PPP1R9A: variants seen among roughly 807,000 people sequenced by gnomAD.
PPP1R9A encodes the protein neurabin-1.
In PPP1R9A, 59 loss-of-function variants were observed where a neutral mutation model predicts 141.9. The observed-to-expected ratio is 0.42, with a 90% CI of 0.34 to 0.52. The LOEUF (loss-of-function observed/expected upper bound fraction) is 0.52, where lower values mean the gene tolerates loss of function less well. Ranked by LOEUF, PPP1R9A falls within the 20% of genes least tolerant of loss-of-function variation. PPP1R9A has a pLI of 0.10. For missense variants in PPP1R9A, 1,444 were observed against 1,611.9 expected (o/e 0.90, Z 1.78); for synonymous variants, 500 against 569.7 (o/e 0.88, Z 1.74).
At chr7:94,972,265 C>G (rs1484625220) in intron 2 of PPP1R9A, among the ~76,000 whole-genome samples, 1 of 152,058 alleles carries the variant, frequency 6.6e-6, no homozygotes, top group African/African-American at 2.4e-5. Context: ...AGTTTTAGTT[C>G]TAGTTATGTA....
intron 2 of PPP1R9A, among the ~76,000 whole-genome samples, chr7:94,961,266 T>A (rs937926807): frequency 1.3e-4 from 20 of 151,716 alleles, no homozygotes; most frequent in African/African-American, 4.6e-4. Context: ...GGGTGGTTTA[T>A]TTTTTCAGAT....
intron 2 of PPP1R9A, among the ~76,000 whole-genome samples, chr7:95,094,387 C>A (rs1394811707): frequency 6.6e-6 from 1 of 152,154 alleles, no homozygotes; most frequent in African/African-American, 2.4e-5. Flanking sequence ...TAAAATCATT[C>A]GTAAATTCAT....
intron 4 of PPP1R9A, among the ~76,000 whole-genome samples, chr7:95,131,458 G>A (rs756783880): frequency 3.3e-5 from 5 of 152,108 alleles, no homozygotes; most frequent in African/African-American, 4.8e-5. Context: ...CATTATTTCT[G>A]GGTTCTCTAT....
intron 4 of PPP1R9A, among the ~76,000 whole-genome samples, chr7:95,131,217 C>T (rs914568347): frequency 2.6e-5 from 4 of 151,972 alleles, no homozygotes; most frequent in African/African-American, 9.7e-5. Context: ...GTGCTGTTGT[C>T]GTGACAGTGA....
intron 2 of PPP1R9A, among the ~76,000 whole-genome samples, chr7:95,098,015 G>T (rs10214977): frequency 0.47 from 71,512 of 152,096 alleles, 17,450 homozygotes; most frequent in African/African-American, 0.53. Flanking sequence ...TTCTTTTATC[G>T]TCAGGAAACT....
At chr7:94,957,693 A>C (rs1376062586) in intron 2 of PPP1R9A, among the ~76,000 whole-genome samples, 1 of 152,050 alleles carries the variant, frequency 6.6e-6, no homozygotes, top group African/African-American at 2.4e-5. Context: ...TGTTGATTTC[A>C]TGGAGATATA....
chr7:95,190,436 T>G (rs544654123), intron 5 of PPP1R9A, among the ~76,000 whole-genome samples: 1 of 152,280 alleles, frequency 6.6e-6, no homozygotes, highest in South Asian at 2.1e-4. Context: ...GGCAGGGCTG[T>G]GAAATAGACT....
intron 2 of PPP1R9A, among the ~76,000 whole-genome samples, chr7:94,921,660 T>G (rs1261137658): frequency 1.3e-5 from 2 of 152,040 alleles, no homozygotes; most frequent in African/African-American, 2.4e-5. Flanking sequence ...CAAAACTTAT[T>G]GTAGGATGTT....
At chr7:95,202,992 T>A (rs1789909792) in intron 6 of PPP1R9A, among the ~76,000 whole-genome samples, 1 of 152,112 alleles carries the variant, frequency 6.6e-6, no homozygotes, top group Non-Finnish European at 1.5e-5. Context: ...GTCTTAGCTA[T>A]AGATAGCATT....
At chr7:95,107,434 C>G (rs984932415) in intron 2 of PPP1R9A, among the ~76,000 whole-genome samples, 4 of 152,012 alleles carry the variant, frequency 2.6e-5, no homozygotes, top group Non-Finnish European at 5.9e-5. Flanking sequence ...TTTAGAACTT[C>G]TAGGATCTGT....
intron 2 of PPP1R9A, among the ~76,000 whole-genome samples, chr7:95,035,455 C>T (rs1391697309): frequency 6.6e-6 from 1 of 152,092 alleles, no homozygotes; most frequent in Non-Finnish European, 1.5e-5. Context: ...GTGACTGCCA[C>T]CTTGCCAAAT....
intron 2 of PPP1R9A, among the ~76,000 whole-genome samples, chr7:94,956,001 C>T (rs1797033325): frequency 1.3e-5 from 2 of 152,124 alleles, no homozygotes; most frequent in African/African-American, 4.8e-5. Flanking sequence ...ACCTGCCAGC[C>T]TGTACCTGTG....
intron 8 of PPP1R9A, among the ~76,000 whole-genome samples, chr7:95,234,363 A>C (rs1156232984): frequency 2.0e-5 from 3 of 152,220 alleles, no homozygotes; most frequent in Non-Finnish European, 2.9e-5. Context: ...ACAAATCAGT[A>C]GCTCTGCTAT....
At chr7:95,252,467 ATTTTTTTTTT>A (rs71127405) in intron 12 of PPP1R9A, among the ~76,000 whole-genome samples, 1 of 107,028 alleles carries the variant, frequency 9.3e-6, no homozygotes, top group African/African-American at 3.6e-5. Flanking sequence ...TAAGGTTTAG[ATTTTTTTTTT>A]TTTTTTTTTT....
At chr7:95,181,439 TTCCATC>T in intron 5 of PPP1R9A, among the ~76,000 whole-genome samples, 1 of 132,346 alleles carries the variant, frequency 7.6e-6, no homozygotes, top group African/African-American at 2.9e-5. Flanking sequence ...AATATATATA[TTCCATC>T]ATATATATAG....
At chr7:94,915,872 C>T (rs1489553980) in intron 2 of PPP1R9A, among the ~76,000 whole-genome samples, 2 of 152,126 alleles carry the variant, frequency 1.3e-5, no homozygotes, top group East Asian at 1.9e-4. Context: ...TAGGTACAGC[C>T]GTAGCTTTGC....
chr7:95,055,122 A>C (rs2152030328), intron 2 of PPP1R9A, among the ~76,000 whole-genome samples: 1 of 152,262 alleles, frequency 6.6e-6, no homozygotes, highest in Non-Finnish European at 1.5e-5. Flanking sequence ...TGTTAAGTGG[A>C]GATAATATGT....
chr7:95,081,124 A>C (rs80280760), intron 2 of PPP1R9A, among the ~76,000 whole-genome samples: 3,713 of 152,276 alleles, frequency 0.024, 167 homozygotes, highest in African/African-American at 0.085. Context: ...TGAATGGATC[A>C]AACTTTCTGC....
At chr7:95,247,610 TG>T in intron 9 of PPP1R9A, 84 bp downstream of exon 9, 2 of 1,151,176 alleles carry the variant, frequency 1.7e-6, no homozygotes, top group Non-Finnish European at 2.5e-6. Flanking sequence ...CTAAAGGTTT[TG>T]TCCCTGTATA....
Sources: allele counts gnomAD v4.1 joint callset (sites outside exome capture counted in the v4.1 genomes callset), GRCh38; gene constraint gnomAD v4.1.1; transcripts MANE v1.5; gene names NCBI Gene and HGNC (gene_info 2026-07-23, HGNC 2026-07-21).